CPED1: variants seen among roughly 807,000 people sequenced by gnomAD.
CPED1 encodes the protein cadherin-like and PC-esterase domain-containing protein 1.
In CPED1, 114 loss-of-function variants were observed where a neutral mutation model predicts 128.2. The observed-to-expected ratio is 0.89, with a 90% CI of 0.76 to 1.04. The LOEUF (loss-of-function observed/expected upper bound fraction) is 1.04, where lower values mean the gene tolerates loss of function less well. Ranked by LOEUF, CPED1 falls within the 50% of genes least tolerant of loss-of-function variation. The probability of loss-of-function intolerance (pLI) is 0.00; values close to 1 mark genes in which losing one functional copy is unlikely to be tolerated. For synonymous variants in CPED1, 462 were observed against 426.7 expected (o/e 1.08, Z -1.02); for missense variants, 1,211 against 1,207.1 (o/e 1.00, Z -0.05).
At chr7:121,106,994 G>A (rs1451123065) in intron 7 of CPED1, among the ~76,000 whole-genome samples, 1 of 152,072 alleles carries the variant, frequency 6.6e-6, no homozygotes, top group Non-Finnish European at 1.5e-5. Context: ...TCCATAGAGA[G>A]CAGCACCATC....
intron 22 of CPED1, among the ~76,000 whole-genome samples, chr7:121,276,677 C>A (rs891496265): frequency 6.6e-6 from 1 of 152,018 alleles, no homozygotes; most frequent in Non-Finnish European, 1.5e-5. Flanking sequence ...GAAGGATGAA[C>A]AGGACTTAAT....
At chr7:121,129,319 A>ATATATACG (rs1795602274) in intron 11 of CPED1, among the ~76,000 whole-genome samples, 1 of 131,960 alleles carries the variant, frequency 7.6e-6, no homozygotes, top group African/African-American at 2.8e-5. Flanking sequence ...ATACGTATAT[A>ATATATACG]TATATATATA....
At chr7:121,182,114 C>T (rs180766729) in intron 16 of CPED1, among the ~76,000 whole-genome samples, 2 of 149,852 alleles carry the variant, frequency 1.3e-5, no homozygotes, top group South Asian at 4.3e-4. Context: ...TTATTTTAGA[C>T]AATAAGAATC....
chr7:121,294,044 T>A (rs1421618402), intron 22 of CPED1, among the ~76,000 whole-genome samples: 1 of 152,092 alleles, frequency 6.6e-6, no homozygotes, highest in Non-Finnish European at 1.5e-5. Flanking sequence ...CCTCTCTTTT[T>A]CTACTTCCCA....
chr7:121,062,056 T>C (rs1170041119), intron 4 of CPED1, among the ~76,000 whole-genome samples: 1 of 152,198 alleles, frequency 6.6e-6, no homozygotes, highest in Non-Finnish European at 1.5e-5. Flanking sequence ...GGAGAAGTCA[T>C]TGTTTGGGGG....
intron 4 of CPED1, 49 bp downstream of exon 4, chr7:121,047,042 A>G (rs757288949): frequency 1.1e-5 from 12 of 1,121,684 alleles, no homozygotes; most frequent in African/African-American, 1.5e-5. Context: ...TACAGATATT[A>G]ACACTGGCAT....
intron 16 of CPED1, among the ~76,000 whole-genome samples, chr7:121,228,665 C>T (rs1267385942): frequency 6.6e-6 from 1 of 150,478 alleles, no homozygotes; most frequent in Non-Finnish European, 1.5e-5. Flanking sequence ...GAAGAAAAAA[C>T]ATCCGTTTAT....
intron 18 of CPED1, among the ~76,000 whole-genome samples, chr7:121,254,664 A>T (rs1258379214): frequency 6.6e-6 from 1 of 151,964 alleles, no homozygotes; most frequent in Admixed American, 6.6e-5. Context: ...GACTAACTAG[A>T]TTAACAACAA....
chr7:120,997,574 G>T (rs575514792), intron 2 of CPED1, among the ~76,000 whole-genome samples: 1 of 152,248 alleles, frequency 6.6e-6, no homozygotes, highest in South Asian at 2.1e-4. Context: ...AATTAGTTAG[G>T]ATGAGGTCAC....
chr7:121,256,804 A>G (rs994232752), intron 18 of CPED1, among the ~76,000 whole-genome samples: 1 of 152,050 alleles, frequency 6.6e-6, no homozygotes. Flanking sequence ...TAGCAAAGAC[A>G]TGGAATCAAC....
At chr7:121,173,179 T>G (rs998714839) in intron 16 of CPED1, among the ~76,000 whole-genome samples, 1 of 152,144 alleles carries the variant, frequency 6.6e-6, no homozygotes, top group Non-Finnish European at 1.5e-5. Flanking sequence ...AAGAAAATAA[T>G]AGTGTTTACA....
At chr7:121,169,100 T>C (rs1161169324) in intron 16 of CPED1, among the ~76,000 whole-genome samples, 1 of 152,180 alleles carries the variant, frequency 6.6e-6, no homozygotes, top group Admixed American at 6.5e-5. Context: ...AAATCTGAAA[T>C]GCTATTGATA....
intron 5 of CPED1, among the ~76,000 whole-genome samples, chr7:121,089,614 CTT>C (rs1253628535): frequency 6.6e-6 from 1 of 152,074 alleles, no homozygotes; most frequent in East Asian, 1.9e-4. Context: ...ATTATTCTGA[CTT>C]AAATTATTTC....
intron 4 of CPED1, chr7:121,051,263 G>C (rs1793344942): frequency 4.3e-6 from 2 of 465,446 alleles, no homozygotes; most frequent in Non-Finnish European, 4.2e-6. Flanking sequence ...ACAATCCAGA[G>C]GAATATTTTT....
intron 14 of CPED1, among the ~76,000 whole-genome samples, chr7:121,140,457 G>A (rs886764118): frequency 6.6e-6 from 1 of 151,972 alleles, no homozygotes; most frequent in Non-Finnish European, 1.5e-5. Context: ...ATCCCACAGA[G>A]CCATCACTCC....
At chr7:121,266,887 A>AT in intron 20 of CPED1, 79 bp downstream of exon 20, 1 of 986,634 alleles carries the variant, frequency 1.0e-6, no homozygotes, top group East Asian at 2.5e-5. Context: ...TTTTATCCAG[A>AT]TTTTATTTAA....
At position 121,266,693 on chromosome 7, in the gene CPED1, T is replaced by C; in HGVS notation, c.2532-14T>C. The C allele has an allele frequency of 6.2e-7, 1 of 1,602,702 alleles. No homozygotes were observed. The highest frequency in any genetic ancestry group is 8.5e-7 in the Non-Finnish European group (1 of 1,170,224). On this transcript the variant is annotated splice_polypyrimidine_tract_variant and intron_variant, in intron 19 of 22. Transcript: ENST00000310396. The stretch of plus-strand genomic sequence containing the variant: ...TTTAGGGCAACATGTGTTGTTTTTC[T>C]TTCTGAATTTCAGATCACGTCCCCT...
At chr7:121,191,921 T>C (rs1584584040) in intron 16 of CPED1, among the ~76,000 whole-genome samples, 1 of 152,116 alleles carries the variant, frequency 6.6e-6, no homozygotes, top group Non-Finnish European at 1.5e-5. Flanking sequence ...TGATCTCTTG[T>C]CTAGGTGGCA....
chr7:121,078,498 G>GAAAAAAAAAAAAAAAAAAAAAA (rs529856618), intron 5 of CPED1, among the ~76,000 whole-genome samples: 1 of 101,928 alleles, frequency 9.8e-6, no homozygotes, highest in Non-Finnish European at 1.9e-5. Context: ...AAGAAAGAAA[G>GAAAAAAAAAAAAAAAAAAAAAA]AAAAAAAAAA....
Sources: gnomAD v4.1 joint callset for allele counts (sites outside exome capture counted in the v4.1 genomes callset) on GRCh38, gnomAD v4.1.1 for gene constraint, MANE v1.5 for transcripts, NCBI Gene and HGNC (gene_info 2026-07-23, HGNC 2026-07-21) for gene names.